Variants in SATB1 observed in about 807,000 individuals in gnomAD.
The protein encoded by SATB1 is DNA-binding protein SATB1.
A neutral mutation model predicts 86.9 loss-of-function variants in SATB1; 11 were observed. That is an observed-to-expected ratio of 0.13 (90% CI 0.08 to 0.21). The LOEUF (loss-of-function observed/expected upper bound fraction) is 0.21, where lower values mean the gene tolerates loss of function less well. Ranked by LOEUF, SATB1 falls within the 10% of genes least tolerant of loss-of-function variation. The probability of loss-of-function intolerance (pLI) is 1.00; values close to 1 mark genes in which losing one functional copy is unlikely to be tolerated. For missense variants in SATB1, 551 were observed against 937.6 expected (o/e 0.59, Z 5.39); for synonymous variants, 357 against 357.2 (o/e 1.00, Z 0.01).
chr3:18,387,346 A>C (rs1696396407), intron 7 of SATB1, among the ~76,000 whole-genome samples: 1 of 152,230 alleles, frequency 6.6e-6, no homozygotes, highest in Non-Finnish European at 1.5e-5. Flanking sequence ...CAACATTGCG[A>C]AAGTCCATCA....
Position 18,444,821 on chromosome 3 carries a change from G to GGGGAGAGCGAGGCGAGGAGC in SATB1, c.-25+677_-25+696dup. ...TCCCCATACGAAGTGGGCGTTTAAA[G>GGGGAGAGCGAGGCGAGGAGC]GGGAGAGCGAGGCGAGGAGCGAGCG... is the stretch of plus-strand genomic sequence containing the variant. On this transcript the variant is annotated intron_variant, in intron 1 of 3. Transcript: ENST00000415069. The surrounding 1 kb of genome is among the most constrained non-coding windows in gnomAD (Gnocchi z 5.1). The GGGGAGAGCGAGGCGAGGAGC allele has an allele frequency of 4.6e-6, 1 of 219,222 alleles. No homozygotes were observed. The highest frequency in any genetic ancestry group is 7.7e-6 in the Non-Finnish European group (1 of 130,524). The allele number at this position is 219,222 out of a possible 1,614,324, so 13.6% of individuals were successfully genotyped here.
intron 8 of SATB1, among the ~76,000 whole-genome samples, chr3:18,378,571 C>A (rs1055140683): frequency 2.6e-5 from 4 of 152,076 alleles, no homozygotes; most frequent in African/African-American, 9.7e-5. Flanking sequence ...AATTATAATG[C>A]CATAAAGTAA....
intron 9 of SATB1, among the ~76,000 whole-genome samples, chr3:18,375,292 T>G (rs1000050310): frequency 2.6e-5 from 4 of 152,142 alleles, no homozygotes; most frequent in African/African-American, 9.7e-5. Flanking sequence ...GAAACTCTCA[T>G]GTGTAAAAGT....
intron 2 of SATB1, among the ~76,000 whole-genome samples, chr3:18,432,849 T>C (rs9310569): frequency 0.93 from 141,154 of 151,516 alleles, 65,821 homozygotes; most frequent in African/African-American, 0.97. Flanking sequence ...GTATGCCTAG[T>C]ATTGGCAGAT....
At chr3:18,427,835 T>TATAATGAAA (rs1698761462), upstream of SATB1, among the ~76,000 whole-genome samples, 1 of 152,144 alleles carries the variant, frequency 6.6e-6, no homozygotes, top group Non-Finnish European at 1.5e-5. Flanking sequence ...TGAATAACAA[T>TATAATGAAA]ATAGCACAAT....
chr3:18,364,730 T>C (rs1034802359), intron 9 of SATB1, among the ~76,000 whole-genome samples: 9 of 151,482 alleles, frequency 5.9e-5, no homozygotes, highest in East Asian at 1.9e-4. Flanking sequence ...TATATATATA[T>C]ACACACACAC....
At chr3:18,410,259 C>T (rs562930412) in intron 5 of SATB1, among the ~76,000 whole-genome samples, 1 of 152,184 alleles carries the variant, frequency 6.6e-6, no homozygotes, top group Non-Finnish European at 1.5e-5. Context: ...GTAGTTATCA[C>T]TACTTTAGAG....
At chr3:18,374,872 G>A (rs1450755158) in intron 9 of SATB1, among the ~76,000 whole-genome samples, 1 of 152,136 alleles carries the variant, frequency 6.6e-6, no homozygotes, top group African/African-American at 2.4e-5. Context: ...TGGGTATAGT[G>A]CTATATAATT....
chr3:18,399,895 C>T lies in SATB1; in HGVS notation c.640-2605G>A, dbSNP rs116100853. Reference sequence around the variant, plus strand: ...TGTCCAATTAGATTGCTCCTATAGCCACTTCATGAGGTGTATGTGTGTGGG... The same window carrying T: ...TGTCCAATTAGATTGCTCCTATAGCTACTTCATGAGGTGTATGTGTGTGGG... On this transcript the variant is annotated intron_variant, in intron 5 of 10. Coordinates refer to ENST00000338745, the MANE Select transcript of SATB1 (RefSeq NM_002971.6). Among the ~76,000 whole-genome samples, 1,310 of 151,910 alleles carry T rather than the reference C, an allele frequency of 8.6e-3. 22 individuals carry two copies. The highest frequency in any genetic ancestry group is 0.047 in the South Asian group (226 of 4,806).
chr3:18,370,331 T>C (rs1022493054), intron 9 of SATB1, among the ~76,000 whole-genome samples: 14 of 152,022 alleles, frequency 9.2e-5, no homozygotes, highest in African/African-American at 2.7e-4. Context: ...TGTATTCTTA[T>C]ATACATTCTG....
At chr3:18,353,807 C>T (rs995005167) in intron 9 of SATB1, among the ~76,000 whole-genome samples, 3 of 152,140 alleles carry the variant, frequency 2.0e-5, no homozygotes, top group African/African-American at 7.2e-5. Context: ...CTCATCGTGA[C>T]GACTGCTGTA....
chr3:18,427,650 T>C (rs1171654058), upstream of SATB1, among the ~76,000 whole-genome samples: 3 of 152,204 alleles, frequency 2.0e-5, no homozygotes, highest in African/African-American at 7.2e-5. Flanking sequence ...TGAATGCTAA[T>C]ATAATATGGG....
At chr3:18,445,067 C>T in intron 1 of SATB1, 1 of 335,860 alleles carries the variant, frequency 3.0e-6, no homozygotes, top group Non-Finnish European at 4.2e-6. Flanking sequence ...CCGGGACGCG[C>T]ATCCAGACGT....
chr3:18,385,627 GA>G (rs71839568), intron 8 of SATB1, among the ~76,000 whole-genome samples: 50 of 144,770 alleles, frequency 3.5e-4, no homozygotes, highest in Non-Finnish European at 5.9e-4. Context: ...CATCTCAAAA[GA>G]AAAAAAAAAA....
intron 9 of SATB1, among the ~76,000 whole-genome samples, chr3:18,356,092 TA>T (rs1384094715): frequency 6.6e-6 from 1 of 151,608 alleles, no homozygotes; most frequent in Admixed American, 6.6e-5. Context: ...CCCTATTACT[TA>T]AAAAAAACTG....
upstream of SATB1, among the ~76,000 whole-genome samples, chr3:18,427,419 G>A (rs1698745967): frequency 6.6e-6 from 1 of 152,076 alleles, no homozygotes; most frequent in South Asian, 2.1e-4. Flanking sequence ...AATTTAGCCA[G>A]GCAATGTCAC....
intron 5 of SATB1, chr3:18,408,735 T>A (rs1022671123): frequency 1.3e-5 from 2 of 151,546 alleles, no homozygotes; most frequent in African/African-American, 4.8e-5. Context: ...AAATCTGGCA[T>A]GAAATGAAGC....
At chr3:18,374,751 T>G (rs2125179073) in intron 9 of SATB1, among the ~76,000 whole-genome samples, 1 of 152,314 alleles carries the variant, frequency 6.6e-6, no homozygotes, top group East Asian at 1.9e-4. Flanking sequence ...CAGAGCACGC[T>G]TTACCTTTTA....
intron 5 of SATB1, among the ~76,000 whole-genome samples, chr3:18,402,986 T>C (rs1342140677): frequency 6.6e-6 from 1 of 152,118 alleles, no homozygotes; most frequent in African/African-American, 2.4e-5. Flanking sequence ...CAAGATGATT[T>C]TTTTCAACCA....
Sources: gnomAD v4.1 joint callset for allele counts (sites outside exome capture counted in the v4.1 genomes callset) on GRCh38, gnomAD v4.1.1 for gene constraint, Gnocchi (gnomAD v3.1) non-coding constraint, MANE v1.5 for transcripts, NCBI Gene and HGNC (gene_info 2026-07-23, HGNC 2026-07-21) for gene names.